The following MYLK variants were observed in gnomAD, a reference collection of about 807,000 sequenced individuals.
The protein encoded by MYLK is myosin light chain kinase, smooth muscle.
A neutral mutation model predicts 203.4 loss-of-function variants in MYLK; 106 were observed. That is an observed-to-expected ratio of 0.52 (90% CI 0.45 to 0.61). MYLK has a LOEUF of 0.61. Ranked by LOEUF, MYLK falls within the 20% of genes least tolerant of loss-of-function variation. The pLI, the probability that MYLK is intolerant of heterozygous loss-of-function variation, is 0.00. For missense variants in MYLK, 2,072 were observed against 2,442.3 expected (o/e 0.85, Z 3.20); for synonymous variants, 867 against 959.5 (o/e 0.90, Z 1.78).
At chr3:123,811,379 G>A (rs1361093482) in intron 3 of MYLK, among the ~76,000 whole-genome samples, 1 of 152,196 alleles carries the variant, frequency 6.6e-6, no homozygotes, top group Admixed American at 6.5e-5. Context: ...CATGGGCCTT[G>A]AGGATATGAG....
chr3:123,794,940 A>C (rs2064932227), intron 3 of MYLK, among the ~76,000 whole-genome samples: 1 of 152,206 alleles, frequency 6.6e-6, no homozygotes, highest in Non-Finnish European at 1.5e-5. Flanking sequence ...GCAAATAAAG[A>C]AGCTGAGGTC....
chr3:123,740,000 T>C lies in MYLK; in HGVS notation c.375A>G (p.Gly125=). 1 of 1,613,848 alleles carries C rather than the reference T, an allele frequency of 6.2e-7. No individual in the cohort carries two copies. Among genetic ancestry groups the C allele is most frequent in the Non-Finnish European group, 8.5e-7 (1 of 1,179,802 alleles). Residue 125 remains glycine (G), a splice_region_variant and synonymous_variant, in exon 6 of 34, where the codon GGA becomes GGG. Transcript: ENST00000360304. The part of the protein sequence containing the change: ...RQVTVELTVE[G]SFAKQLGQPV... ...GCTGACCAAGCTGCTTCGCAAAACT[T>C]CCTGCAAGAAAAAGAGTTGATGAGT...
At chr3:123,647,472 C>A (rs761032511) in intron 26 of MYLK, 45 bp from the exon 27 acceptor site, 1 of 1,591,200 alleles carries the variant, frequency 6.3e-7, no homozygotes, top group Non-Finnish European at 8.6e-7. Flanking sequence ...TTTAGCCAAG[C>A]TTTCCGCTAA....
intron 1 of MYLK, among the ~76,000 whole-genome samples, chr3:123,882,592 A>G (rs995629068): frequency 1.3e-5 from 2 of 152,178 alleles, no homozygotes; most frequent in African/African-American, 4.8e-5. Flanking sequence ...AATGAGGTCC[A>G]GCATCCTTTG....
At chr3:123,864,570 T>C (rs985094284) in intron 2 of MYLK, among the ~76,000 whole-genome samples, 4 of 152,180 alleles carry the variant, frequency 2.6e-5, no homozygotes, top group Admixed American at 1.3e-4. Context: ...GTATTCACCA[T>C]ACATGTGTTT....
intron 19 of MYLK, among the ~76,000 whole-genome samples, chr3:123,688,863 T>C (rs2060559946): frequency 6.6e-6 from 1 of 152,172 alleles, no homozygotes; most frequent in African/African-American, 2.4e-5. Context: ...AAAAATGGTA[T>C]TCTCTCCCCC....
intron 19 of MYLK, 118 bp from the exon 20 acceptor site, chr3:123,682,428 G>T (rs2060301423): frequency 2.5e-6 from 2 of 802,128 alleles, no homozygotes; most frequent in Non-Finnish European, 4.2e-6. Context: ...GGCCCTTTGT[G>T]CCCGCTGGGC....
intron 2 of MYLK, among the ~76,000 whole-genome samples, chr3:123,873,579 G>A (rs971572395): frequency 6.6e-6 from 1 of 151,994 alleles, no homozygotes; most frequent in Non-Finnish European, 1.5e-5. Flanking sequence ...GAACTAATAA[G>A]TCAGTTTAGA....
At chr3:123,842,819 GC>G (rs1196956094) in intron 2 of MYLK, among the ~76,000 whole-genome samples, 5 of 152,204 alleles carry the variant, frequency 3.3e-5, no homozygotes, top group African/African-American at 1.2e-4. Context: ...AATGAACAAA[GC>G]AAAATAGACA....
intron 32 of MYLK, among the ~76,000 whole-genome samples, chr3:123,619,889 T>G (rs1003920494): frequency 3.3e-5 from 5 of 152,146 alleles, no homozygotes; most frequent in African/African-American, 1.2e-4. Flanking sequence ...ACTTTTGCCA[T>G]AAGAACAAAA....
At chr3:123,638,014 CCCCA>C in intron 29 of MYLK, 53 bp downstream of exon 29, 1 of 1,611,672 alleles carries the variant, frequency 6.2e-7, no homozygotes, top group South Asian at 1.1e-5. Flanking sequence ...AACCCTCAGC[CCCCA>C]CCCACTGGTC....
chr3:123,756,680 C>T (rs1293276348), intron 4 of MYLK, among the ~76,000 whole-genome samples: 2 of 152,116 alleles, frequency 1.3e-5, no homozygotes, highest in African/African-American at 2.4e-5. Context: ...TATGAGAAAA[C>T]CAAGTAACCA....
chr3:123,848,779 G>A (rs9814783), intron 2 of MYLK, among the ~76,000 whole-genome samples: 1,965 of 152,244 alleles, frequency 0.013, 46 homozygotes, highest in African/African-American at 0.045. Context: ...ATGTTTAGAT[G>A]ACTGGATGTT....
intron 3 of MYLK, among the ~76,000 whole-genome samples, chr3:123,803,713 C>G (rs147462340): frequency 1.3e-5 from 2 of 152,212 alleles, no homozygotes; most frequent in African/African-American, 4.8e-5. Flanking sequence ...TCTGTTGGGG[C>G]TCCCTGCCCA....
intron 23 of MYLK, among the ~76,000 whole-genome samples, chr3:123,663,407 G>A (rs369080973): frequency 6.6e-6 from 1 of 152,294 alleles, no homozygotes. Flanking sequence ...GGGCGTGGGG[G>A]TGAGGCCATA....
At chr3:123,635,795 C>T (rs939173303) in intron 29 of MYLK, among the ~76,000 whole-genome samples, 5 of 152,116 alleles carry the variant, frequency 3.3e-5, no homozygotes, top group South Asian at 2.1e-4. Context: ...CACTGAAACA[C>T]GTGAACCAGA....
chr3:123,649,028 G>A lies in MYLK; in HGVS notation c.4358C>T (p.Thr1453Ile), dbSNP rs758450558. The change falls in exon 26 of 34, where the codon ACA becomes ATA. Residue 1453 changes from threonine to isoleucine, a missense_variant. Around this residue, in one of 3 missense-constraint regions of MYLK, gnomAD observed 524 missense variants for 782.4 expected, o/e 0.67. Transcript: ENST00000360304. ...KEPEVDYRTV[T>I]INTEQKVSDF... ...AGATACTTTTTGTTCAGTATTGATT[G>A]TCACTGTCCGGTAATCAACCTCGGG... 1.9e-6 allele frequency: 3 copies of A among 1,614,174 alleles called. No homozygotes were observed. Among genetic ancestry groups the A allele is most frequent in the South Asian group, 2.2e-5 (2 of 91,080 alleles).
intron 3 of MYLK, among the ~76,000 whole-genome samples, chr3:123,794,258 G>T (rs1183021783): frequency 3.3e-5 from 5 of 152,240 alleles, no homozygotes; most frequent in Non-Finnish European, 5.9e-5. Flanking sequence ...ACTTCTGGCA[G>T]AAAGTAGAAA....
At chr3:123,687,487 C>T (rs1360493043) in intron 19 of MYLK, among the ~76,000 whole-genome samples, 3 of 152,196 alleles carry the variant, frequency 2.0e-5, no homozygotes, top group African/African-American at 4.8e-5. Context: ...CTGAAGCCCT[C>T]TTGCAAGGTC....
Sources: allele counts gnomAD v4.1 joint callset (sites outside exome capture counted in the v4.1 genomes callset), GRCh38; gene constraint gnomAD v4.1.1; regional missense constraint gnomAD v4.1.1; transcripts MANE v1.5; gene names NCBI Gene and HGNC (gene_info 2026-07-23, HGNC 2026-07-21).